The following DNAH8 variants were observed in gnomAD, a reference collection of about 807,000 sequenced individuals.
The protein encoded by DNAH8 is dynein axonemal heavy chain 8.
A neutral mutation model predicts 562.1 loss-of-function variants in DNAH8; 382 were observed. That is an observed-to-expected ratio of 0.68 (90% CI 0.63 to 0.74). DNAH8 has a LOEUF of 0.74. Among genes scored for constraint, DNAH8 ranks in the 30% least tolerant of loss-of-function variants. The pLI, the probability that DNAH8 is intolerant of heterozygous loss-of-function variation, is 0.00. For missense variants in DNAH8, 5,203 were observed against 5,620.4 expected (o/e 0.93, Z 2.37); for synonymous variants, 1,881 against 1,919.4 (o/e 0.98, Z 0.52).
At chr6:38,798,453 A>G (rs997738310) in intron 21 of DNAH8, among the ~76,000 whole-genome samples, 4 of 152,330 alleles carry the variant, frequency 2.6e-5, no homozygotes, top group Admixed American at 1.3e-4. Context: ...TCTCAAGAAG[A>G]GATGGAGTCC....
chr6:38,842,612 C>G (rs1157730430), intron 34 of DNAH8, 51 bp from the exon 35 acceptor site: 7 of 1,594,762 alleles, frequency 4.4e-6, no homozygotes, highest in Middle Eastern at 1.7e-4. Flanking sequence ...ATAAAACCTT[C>G]CTCAAATAAA....
intron 11 of DNAH8, among the ~76,000 whole-genome samples, chr6:38,765,708 A>G (rs1476289507): frequency 6.6e-6 from 1 of 152,192 alleles, no homozygotes; most frequent in Admixed American, 6.5e-5. Flanking sequence ...TTGGTAGTAT[A>G]TAAAAATATA....
At chr6:38,929,426 A>G in intron 74 of DNAH8, 85 bp from the exon 75 acceptor site, 5 of 1,323,486 alleles carry the variant, frequency 3.8e-6, no homozygotes, top group Non-Finnish European at 5.0e-6. Flanking sequence ...ATTCTTGATT[A>G]CCTGTCCAAC....
rs770784587 is a variant in DNAH8 at position 39,012,240 on chromosome 6, G to A, written c.13397G>A (p.Gly4466Asp). Residue 4466 changes from glycine to aspartate, a missense_variant, in exon 90 of 93, where the codon GGC (glycine) becomes GAC (aspartate). Transcript: ENST00000327475. ...GTGAAATCTCGTTTGATAAAGATGG[G>A]CCATCTTAATTCAATGAACATATTT... Reference protein sequence around the residue: ...HEVKSRLIKMGHLNSMNIFLR... With the variant: ...HEVKSRLIKMDHLNSMNIFLR... 2.5e-6 allele frequency: 4 copies of A among 1,608,850 alleles called. No homozygotes were observed. The highest frequency in any genetic ancestry group is 2.2e-5 in the East Asian group (1 of 44,826).
intron 91 of DNAH8, among the ~76,000 whole-genome samples, chr6:39,024,148 A>G (rs1400366048): frequency 6.6e-6 from 1 of 152,226 alleles, no homozygotes; most frequent in Non-Finnish European, 1.5e-5. Flanking sequence ...TGTCTTGGTC[A>G]TTGTCTAGCC....
intron 11 of DNAH8, among the ~76,000 whole-genome samples, chr6:38,765,583 T>G (rs1440696955): frequency 6.6e-6 from 1 of 152,250 alleles, no homozygotes; most frequent in East Asian, 1.9e-4. Flanking sequence ...CTTGGCACCT[T>G]TGTCAAAGAT....
At chr6:38,861,584 G>A (rs1776623034) in intron 43 of DNAH8, among the ~76,000 whole-genome samples, 2 of 152,180 alleles carry the variant, frequency 1.3e-5, no homozygotes, top group African/African-American at 2.4e-5. Flanking sequence ...TTGAGACAGA[G>A]TCTTGCTCTG....
At chr6:38,811,853 C>T (rs1265630740) in intron 24 of DNAH8, among the ~76,000 whole-genome samples, 1 of 152,130 alleles carries the variant, frequency 6.6e-6, no homozygotes, top group Non-Finnish European at 1.5e-5. Flanking sequence ...ACACTTGGAA[C>T]CCTGAGTACA....
intron 12 of DNAH8, among the ~76,000 whole-genome samples, chr6:38,774,250 T>C (rs1767852334): frequency 6.6e-6 from 1 of 152,114 alleles, no homozygotes; most frequent in African/African-American, 2.4e-5. Context: ...GAGCTGGTAT[T>C]GCTGGGGGAG....
intron 91 of DNAH8, among the ~76,000 whole-genome samples, chr6:39,021,960 T>C (rs1404642100): frequency 6.6e-6 from 1 of 152,250 alleles, no homozygotes; most frequent in Non-Finnish European, 1.5e-5. Flanking sequence ...TTAAGCCAGC[T>C]GATTGCACAA....
At chr6:38,993,786 C>G (rs1764953276) in intron 88 of DNAH8, among the ~76,000 whole-genome samples, 1 of 152,178 alleles carries the variant, frequency 6.6e-6, no homozygotes, top group African/African-American at 2.4e-5. Context: ...GCATGCTGCT[C>G]CATTGTTTAT....
intron 18 of DNAH8, among the ~76,000 whole-genome samples, chr6:38,788,556 A>G (rs114288768): frequency 1.1e-3 from 161 of 152,246 alleles, no homozygotes; most frequent in Non-Finnish European, 1.7e-3. Flanking sequence ...GCATCTTTTC[A>G]TATGCTTACT....
intron 23 of DNAH8, among the ~76,000 whole-genome samples, chr6:38,807,113 G>T (rs1248887175): frequency 1.3e-5 from 2 of 152,226 alleles, no homozygotes; most frequent in East Asian, 3.8e-4. Context: ...GGAAGGAAGG[G>T]TGTGGAGAGA....
rs572665469 is a variant in DNAH8, at chr6:38,828,072, T to C, written c.4084-112T>C. Reference sequence around the variant, plus strand: ...CTTTTAATTTTGGAAACCACTTTTCTAGAACATGCTGTCTTCTTCTAAGAC... The same window carrying C: ...CTTTTAATTTTGGAAACCACTTTTCCAGAACATGCTGTCTTCTTCTAAGAC... On this transcript the variant is annotated intron_variant, in intron 29 of 92. Coordinates refer to ENST00000327475, the MANE Select transcript of DNAH8 (RefSeq NM_001206927.2). 32 of 721,094 alleles carry C rather than the reference T, an allele frequency of 4.4e-5. No homozygotes were observed. The African/African-American group carries it at 5.5e-4, about 13-fold the overall frequency. 44.7% of individuals were successfully genotyped at this position (721,094 alleles called of 1,614,324 possible). A position where few individuals can be genotyped will look rare whatever the true frequency, so the allele number is the denominator to read the frequency against.
intron 38 of DNAH8, among the ~76,000 whole-genome samples, chr6:38,851,253 AT>A (rs1775718295): frequency 6.6e-6 from 1 of 151,882 alleles, no homozygotes; most frequent in Non-Finnish European, 1.5e-5. Context: ...TGGTTTGGAG[AT>A]ACGGTTTGTG....
rs1434982246 is a variant in DNAH8, at chr6:38,914,395, T to C, written c.9963+443T>C. ...ATATATGTGTGCTGCTTTTTCTCTT[T>C]TTTTTTTTTTTTTTTTTTTTTTTGA... On this transcript the variant is annotated intron_variant, in intron 67 of 92. Transcript: ENST00000327475. 2.5e-3 allele frequency among the ~76,000 whole-genome samples: 302 copies of C among 122,864 alleles called. 1 individual carries two copies. The highest frequency in any genetic ancestry group is 7.9e-3 in the African/African-American group (279 of 35,402). 80.6% of individuals were successfully genotyped at this position (122,864 alleles called of 152,430 possible). A position where few individuals can be genotyped will look rare whatever the true frequency, so the allele number is the denominator to read the frequency against.
At chr6:38,797,345 C>T (rs1770363951) in intron 21 of DNAH8, among the ~76,000 whole-genome samples, 1 of 152,202 alleles carries the variant, frequency 6.6e-6, no homozygotes, top group Non-Finnish European at 1.5e-5. Context: ...CTGTGAAACT[C>T]ACTCATTTCC....
chr6:38,726,098 A>C lies in DNAH8; in HGVS notation c.525+2627A>C, dbSNP rs142213355. ...TCATTTCTTAGTAGGCCCAGGCTTT[A>C]GGCCTGTCCCGAGGATCAGTCCTGC... On this transcript the variant is annotated intron_variant, in intron 3 of 92. Coordinates refer to ENST00000327475, the MANE Select transcript of DNAH8 (RefSeq NM_001206927.2). Among the ~76,000 whole-genome samples, 42 of 152,336 alleles carry C rather than the reference A, an allele frequency of 2.8e-4. 1 individual carries two copies. The highest frequency in any genetic ancestry group is 6.8e-3 in the Middle Eastern group (2 of 294).
intron 13 of DNAH8, among the ~76,000 whole-genome samples, chr6:38,776,651 T>G (rs1219257449): frequency 6.6e-6 from 1 of 152,248 alleles, no homozygotes; most frequent in Non-Finnish European, 1.5e-5. Context: ...ACTCTTCCTG[T>G]GGCCTTATGC....
Sources: gnomAD v4.1 joint callset for allele counts (sites outside exome capture counted in the v4.1 genomes callset) on GRCh38, gnomAD v4.1.1 for gene constraint, MANE v1.5 for transcripts, NCBI Gene and HGNC (gene_info 2026-07-23, HGNC 2026-07-21) for gene names.